Variants in MEIS2 observed in about 807,000 individuals in gnomAD.
MEIS2 encodes homeobox protein Meis2.
In MEIS2, 9 loss-of-function variants were observed where a neutral mutation model predicts 58.6. The ratio of observed to expected loss-of-function variants is 0.15; its 90% confidence interval spans 0.09 to 0.27. The LOEUF (loss-of-function observed/expected upper bound fraction) is 0.27. MEIS2 is among the 10% of genes least tolerant of loss of function. The pLI, the probability that MEIS2 is intolerant of heterozygous loss-of-function variation, is 1.00. For missense variants in MEIS2, 427 were observed against 635.0 expected (o/e 0.67, Z 3.52); for synonymous variants, 221 against 228.4 (o/e 0.97, Z 0.29).
intron 8 of MEIS2, among the ~76,000 whole-genome samples, chr15:36,970,178 A>T (rs560879453): frequency 1.3e-5 from 2 of 152,032 alleles, no homozygotes; most frequent in Non-Finnish European, 2.9e-5. Flanking sequence ...CCAAGGCGGG[A>T]GGATCATGAG....
At chr15:37,097,897 C>T in intron 2 of MEIS2, 70 bp downstream of exon 2, 1 of 1,491,956 alleles carries the variant, frequency 6.7e-7, no homozygotes, top group South Asian at 1.4e-5. Flanking sequence ...TCCACCTTCC[C>T]ACCCCCACAG....
intron 7 of MEIS2, among the ~76,000 whole-genome samples, chr15:37,040,827 G>A (rs1236052056): frequency 6.6e-6 from 1 of 152,154 alleles, no homozygotes; most frequent in Non-Finnish European, 1.5e-5. Context: ...AGGTCCCCAG[G>A]CCTCATCCCA....
At chr15:36,977,072 G>A (rs2059784222) in intron 8 of MEIS2, among the ~76,000 whole-genome samples, 1 of 152,176 alleles carries the variant, frequency 6.6e-6, no homozygotes, top group African/African-American at 2.4e-5. Flanking sequence ...GTTGCAGTGA[G>A]CCACGATTGT....
At chr15:36,912,467 CA>C (rs2057076777) in intron 9 of MEIS2, among the ~76,000 whole-genome samples, 1 of 152,170 alleles carries the variant, frequency 6.6e-6, no homozygotes, top group Admixed American at 6.5e-5. Flanking sequence ...TTTATACTTG[CA>C]ACACTTTCAC....
chr15:37,032,212 A>G (rs2061957975), intron 8 of MEIS2, among the ~76,000 whole-genome samples: 1 of 152,202 alleles, frequency 6.6e-6, no homozygotes, highest in African/African-American at 2.4e-5. Context: ...GAAGACCTTC[A>G]GCCAGAAACT....
chr15:37,031,197 T>TA (rs2061906440), intron 8 of MEIS2, among the ~76,000 whole-genome samples: 1 of 152,176 alleles, frequency 6.6e-6, no homozygotes, highest in Non-Finnish European at 1.5e-5. Context: ...CTTCTGCAGA[T>TA]ATGAAAAATG....
At chr15:37,043,680 C>CTTTTTTTT (rs35502089) in intron 7 of MEIS2, among the ~76,000 whole-genome samples, 1 of 112,932 alleles carries the variant, frequency 8.9e-6, no homozygotes, top group African/African-American at 3.8e-5. Flanking sequence ...CCGTCCCCTC[C>CTTTTTTTT]TTTTTTTTTT....
chr15:36,899,542 A>AT (rs572333126), intron 9 of MEIS2, among the ~76,000 whole-genome samples: 1 of 152,162 alleles, frequency 6.6e-6, no homozygotes, highest in Non-Finnish European at 1.5e-5. Context: ...CATGAAATAA[A>AT]TTTTTTTCCA....
intron 8 of MEIS2, among the ~76,000 whole-genome samples, chr15:37,032,075 A>G (rs1002007888): frequency 6.6e-6 from 1 of 152,148 alleles, no homozygotes; most frequent in African/African-American, 2.4e-5. Flanking sequence ...CCTAGCCCCA[A>G]GCGATCCTCC....
At chr15:37,008,373 T>C (rs2061000112) in intron 8 of MEIS2, among the ~76,000 whole-genome samples, 2 of 152,216 alleles carry the variant, frequency 1.3e-5, no homozygotes, top group Admixed American at 1.3e-4. Flanking sequence ...CCAATGACCT[T>C]TGAACCATTT....
At chr15:37,031,421 A>ATGTGTGTGTG (rs60605081) in intron 8 of MEIS2, among the ~76,000 whole-genome samples, 29,334 of 146,712 alleles carry the variant, frequency 0.2, 3,260 homozygotes, top group Non-Finnish European at 0.25. Flanking sequence ...TCCCTTGCAT[A>ATGTGTGTGTG]TGTGTGTGTG....
Position 37,072,498 on chromosome 15 carries a change from T to C in MEIS2, c.754+11273A>G, listed in dbSNP as rs1596071770. ...CGCACCCACTTGCCTCTCCAGCCTC[T>C]TTTTTTTCACCATGCATTCTCTCAT... On this transcript the variant is annotated intron_variant, in intron 7 of 11. Coordinates refer to ENST00000561208, the MANE Select transcript of MEIS2 (RefSeq NM_170675.5). Among the ~76,000 whole-genome samples the C allele has an allele frequency of 3.3e-5, 5 of 151,940 alleles. No individual in the cohort carries two copies. In the South Asian group the frequency reaches 8.3e-4, roughly 25 times the overall value.
intron 8 of MEIS2, among the ~76,000 whole-genome samples, chr15:36,954,346 G>A (rs1415005765): frequency 1.3e-5 from 2 of 150,912 alleles, no homozygotes; most frequent in African/African-American, 4.8e-5. Flanking sequence ...ATGTTGTGTA[G>A]GGCATCGAGT....
At chr15:37,037,048 T>C in intron 7 of MEIS2, 89 bp from the exon 8 acceptor site, 1 of 1,272,462 alleles carries the variant, frequency 7.9e-7, no homozygotes, top group South Asian at 1.6e-5. Flanking sequence ...CTAAGCTTGT[T>C]GAAAGAAATC....
At chr15:37,069,171 T>G (rs1381590997) in intron 7 of MEIS2, among the ~76,000 whole-genome samples, 2 of 152,128 alleles carry the variant, frequency 1.3e-5, no homozygotes, top group Non-Finnish European at 2.9e-5. Context: ...TCTCATCCAT[T>G]TAGTGGCTAA....
At chr15:36,920,653 T>C (rs2057470039) in intron 9 of MEIS2, among the ~76,000 whole-genome samples, 1 of 152,250 alleles carries the variant, frequency 6.6e-6, no homozygotes, top group African/African-American at 2.4e-5. Context: ...CTTTGGCAGA[T>C]AACAATCTCT....
chr15:36,927,722 A>G (rs2057803070), intron 9 of MEIS2, among the ~76,000 whole-genome samples: 1 of 151,428 alleles, frequency 6.6e-6, no homozygotes, highest in Non-Finnish European at 1.5e-5. Context: ...GACCAAGGAA[A>G]CTCTCTCTGG....
intron 9 of MEIS2, among the ~76,000 whole-genome samples, chr15:36,911,291 A>G (rs990417252): frequency 3.3e-4 from 45 of 135,388 alleles, no homozygotes; most frequent in Non-Finnish European, 3.6e-4. Flanking sequence ...GTGTGTGTGT[A>G]TGTATATATA....
intron 9 of MEIS2, among the ~76,000 whole-genome samples, chr15:36,942,144 G>A (rs2058398125): frequency 6.6e-6 from 1 of 152,156 alleles, no homozygotes; most frequent in Admixed American, 6.5e-5. Flanking sequence ...GATTCTGGAT[G>A]AGGGCTGGGA....
Sources: allele counts gnomAD v4.1 joint callset (sites outside exome capture counted in the v4.1 genomes callset), GRCh38; gene constraint gnomAD v4.1.1; transcripts MANE v1.5; gene names NCBI Gene and HGNC (gene_info 2026-07-23, HGNC 2026-07-21).